GPC5: variants seen among roughly 807,000 people sequenced by gnomAD.
GPC5 encodes the protein glypican-5.
Under a neutral mutation model 53.9 loss-of-function variants are expected in GPC5, and 47 were observed. That is an observed-to-expected ratio of 0.87 (90% confidence interval 0.69 to 1.11). The LOEUF (loss-of-function observed/expected upper bound fraction) is 1.11. GPC5 is among the 50% of genes most tolerant of loss of function. The pLI, the probability that GPC5 is intolerant of heterozygous loss-of-function variation, is 0.00. For synonymous variants in GPC5, 286 were observed against 263.3 expected (o/e 1.09, Z -0.84); for missense variants, 748 against 713.1 (o/e 1.05, Z -0.56).
intron 5 of GPC5, among the ~76,000 whole-genome samples, chr13:91,765,577 A>G (rs1053572517): frequency 1.3e-5 from 2 of 152,244 alleles, no homozygotes; most frequent in Admixed American, 6.5e-5. Context: ...TGGAACGCAA[A>G]GTTATATGAG....
chr13:91,579,447 T>A (rs1350476433), intron 2 of GPC5, among the ~76,000 whole-genome samples: 1 of 152,162 alleles, frequency 6.6e-6, no homozygotes, highest in Non-Finnish European at 1.5e-5. Context: ...TCTTGTCAGT[T>A]CTGCTACGGC....
At chr13:92,649,963 A>G (rs893578696) in intron 7 of GPC5, among the ~76,000 whole-genome samples, 2 of 152,120 alleles carry the variant, frequency 1.3e-5, no homozygotes, top group African/African-American at 2.4e-5. Context: ...TTCACAATTG[A>G]TGGATTAGTC....
intron 6 of GPC5, among the ~76,000 whole-genome samples, chr13:92,113,031 C>T (rs764572827): frequency 3.9e-5 from 6 of 152,096 alleles, no homozygotes; most frequent in Non-Finnish European, 7.4e-5. Flanking sequence ...GAAACATCAA[C>T]TGATAAGTGT....
At chr13:91,423,366 T>TA (rs979074224) in intron 1 of GPC5, among the ~76,000 whole-genome samples, 1 of 152,186 alleles carries the variant, frequency 6.6e-6, no homozygotes, top group Non-Finnish European at 1.5e-5. Flanking sequence ...TTTAAAGGAT[T>TA]AAAAAATCAT....
At chr13:92,512,911 C>T (rs1220072519) in intron 7 of GPC5, among the ~76,000 whole-genome samples, 1 of 152,170 alleles carries the variant, frequency 6.6e-6, no homozygotes, top group Non-Finnish European at 1.5e-5. Flanking sequence ...TTAAAGTCTT[C>T]AGGGCTTTGG....
chr13:92,184,348 CA>C (rs1312425215), intron 7 of GPC5, among the ~76,000 whole-genome samples: 2 of 152,052 alleles, frequency 1.3e-5, no homozygotes, highest in African/African-American at 4.8e-5. Context: ...GGAGAGCACA[CA>C]AAAAAATTTA....
intron 7 of GPC5, among the ~76,000 whole-genome samples, chr13:92,430,377 T>C (rs9584027): frequency 0.016 from 2,366 of 152,288 alleles, 70 homozygotes; most frequent in African/African-American, 0.054. Context: ...AATGTATTCC[T>C]TGCAGTATTG....
intron 6 of GPC5, among the ~76,000 whole-genome samples, chr13:91,963,402 A>G (rs1463738795): frequency 6.6e-6 from 1 of 152,198 alleles, no homozygotes; most frequent in Non-Finnish European, 1.5e-5. Flanking sequence ...GTTCTCTTAC[A>G]GAAGTTCCCT....
chr13:92,663,989 T>C (rs1442260538), intron 7 of GPC5, among the ~76,000 whole-genome samples: 4 of 149,150 alleles, frequency 2.7e-5, no homozygotes, highest in Non-Finnish European at 4.4e-5. Context: ...GAAGAATCAC[T>C]TGAACCCGGG....
chr13:91,504,528 T>A (rs1031910991), intron 2 of GPC5, among the ~76,000 whole-genome samples: 3 of 152,130 alleles, frequency 2.0e-5, no homozygotes, highest in Admixed American at 1.3e-4. Context: ...AGCATTGTTC[T>A]TATATAACAG....
At chr13:92,663,691 CTA>C (rs1004191446) in intron 7 of GPC5, among the ~76,000 whole-genome samples, 15 of 138,612 alleles carry the variant, frequency 1.1e-4, no homozygotes, top group African/African-American at 2.4e-4. Context: ...TATATATCTA[CTA>C]TATATATTAT....
chr13:91,618,651 CAT>C (rs1027668406), intron 2 of GPC5, among the ~76,000 whole-genome samples: 21 of 81,032 alleles, frequency 2.6e-4, no homozygotes, highest in African/African-American at 4.7e-4. Context: ...TTTAATAACA[CAT>C]ATTTTTTTTT....
chr13:91,745,929 A>G (rs747612318), intron 4 of GPC5, among the ~76,000 whole-genome samples: 1 of 152,186 alleles, frequency 6.6e-6, no homozygotes, highest in Non-Finnish European at 1.5e-5. Context: ...ATTTGCAATG[A>G]GAGTGGTGTT....
intron 3 of GPC5, among the ~76,000 whole-genome samples, chr13:91,702,899 G>A (rs937655911): frequency 6.6e-6 from 1 of 152,130 alleles, no homozygotes; most frequent in East Asian, 1.9e-4. Flanking sequence ...GGTTGTGAAT[G>A]GGATTGTTTT....
At chr13:91,715,654 C>T (rs536575277) in intron 3 of GPC5, among the ~76,000 whole-genome samples, 1 of 151,774 alleles carries the variant, frequency 6.6e-6, no homozygotes, top group East Asian at 1.9e-4. Context: ...GTATAAATAA[C>T]TATAACAATA....
chr13:91,674,174 A>C lies in GPC5; in HGVS notation c.326-19013A>C, dbSNP rs186710817. Among the ~76,000 whole-genome samples, 22 of 152,252 alleles carry C rather than the reference A, an allele frequency of 1.4e-4. No individual in the cohort carries two copies. In the East Asian group the frequency reaches 4.1e-3, roughly 28 times the overall value. On this transcript the variant is annotated intron_variant, in intron 2 of 7. Coordinates refer to ENST00000377067, the MANE Select transcript of GPC5 (RefSeq NM_004466.6). ...GGACATGATAACAAATTTTATGTCA[A>C]GTTGACTGGGCCATGAGGTGTCCCG...
intron 7 of GPC5, among the ~76,000 whole-genome samples, chr13:92,635,454 G>C (rs1885380514): frequency 6.6e-6 from 1 of 152,152 alleles, no homozygotes; most frequent in South Asian, 2.1e-4. Flanking sequence ...GAAGGTAGAA[G>C]TTGAAAGGGC....
At chr13:92,609,849 G>A (rs1268095470) in intron 7 of GPC5, among the ~76,000 whole-genome samples, 5 of 151,830 alleles carry the variant, frequency 3.3e-5, no homozygotes, top group African/African-American at 9.7e-5. Flanking sequence ...TGGCCAATAT[G>A]GTGAAATCCC....
chr13:92,507,452 AT>A (rs907369888), intron 7 of GPC5, among the ~76,000 whole-genome samples: 6 of 152,266 alleles, frequency 3.9e-5, no homozygotes, highest in South Asian at 2.1e-4. Context: ...CTCTACAAAT[AT>A]TTTTTTCATT....
Sources: allele counts gnomAD v4.1 joint callset (sites outside exome capture counted in the v4.1 genomes callset), GRCh38; gene constraint gnomAD v4.1.1; transcripts MANE v1.5; gene names NCBI Gene and HGNC (gene_info 2026-07-23, HGNC 2026-07-21).